Variants in POFUT3 observed in about 807,000 individuals in gnomAD.
The protein encoded by POFUT3 is protein O-fucosyltransferase 3.
At chr8:33,454,439 C>T in the POFUT3 span, among the ~76,000 whole-genome samples, 1 of 152,144 alleles carries the variant, frequency 6.6e-6, no homozygotes, top group African/African-American at 2.4e-5. Flanking sequence ...ACATGGGGTC[C>T]ACATGAATAA....
chr8:33,421,982 CA>C, the POFUT3 span, among the ~76,000 whole-genome samples: 7 of 101,836 alleles, frequency 6.9e-5, no homozygotes, highest in Non-Finnish European at 9.9e-5. Context: ...TTCCCTAGAT[CA>C]AATGGTTTTT....
At chr8:33,363,446 AC>A in the POFUT3 span, among the ~76,000 whole-genome samples, 1 of 152,226 alleles carries the variant, frequency 6.6e-6, no homozygotes, top group Non-Finnish European at 1.5e-5. Flanking sequence ...AGATAGAGAC[AC>A]AAAAAACCCT....
the POFUT3 span, among the ~76,000 whole-genome samples, chr8:33,347,651 T>C: frequency 5.9e-5 from 9 of 152,238 alleles, no homozygotes; most frequent in Admixed American, 5.2e-4. Context: ...CATTCATTGA[T>C]GGATTCTGCC....
At chr8:33,391,377 T>TA in the POFUT3 span, among the ~76,000 whole-genome samples, 3 of 152,182 alleles carry the variant, frequency 2.0e-5, no homozygotes, top group African/African-American at 7.2e-5. Context: ...CGTACTAACG[T>TA]AAAAATGGGC....
At chr8:33,394,865 A>G in the POFUT3 span, among the ~76,000 whole-genome samples, 107 of 152,312 alleles carry the variant, frequency 7.0e-4, no homozygotes, top group African/African-American at 2.4e-3. Context: ...AACAGTCTTT[A>G]GCCCAAGATT....
the POFUT3 span, among the ~76,000 whole-genome samples, chr8:33,334,377 T>C: frequency 6.6e-6 from 1 of 152,018 alleles, no homozygotes; most frequent in Non-Finnish European, 1.5e-5. Flanking sequence ...GCCACCACAC[T>C]CGGCTAAGTT....
the POFUT3 span, among the ~76,000 whole-genome samples, chr8:33,345,202 T>G: frequency 6.6e-6 from 1 of 152,112 alleles, no homozygotes; most frequent in African/African-American, 2.4e-5. Context: ...AAAAAATGTA[T>G]GCAGAGTAAT....
At chr8:33,328,302 ATGGAGTGGT>A in the POFUT3 span, among the ~76,000 whole-genome samples, 1 of 151,948 alleles carries the variant, frequency 6.6e-6, no homozygotes, top group Non-Finnish European at 1.5e-5. Flanking sequence ...CCATTAGAGC[ATGGAGTGGT>A]TGAAACCTGA....
At chr8:33,454,109 A>C in the POFUT3 span, among the ~76,000 whole-genome samples, 778 of 152,332 alleles carry the variant, frequency 5.1e-3, 9 homozygotes, top group African/African-American at 0.017. Context: ...CCTGGGCAAC[A>C]GAGCAAGACC....
chr8:33,389,690 G>A, the POFUT3 span: 8 of 1,613,980 alleles, frequency 5.0e-6, no homozygotes, highest in Non-Finnish European at 6.8e-6. Context: ...GGTGATCACT[G>A]GTTTATGAAA....
the POFUT3 span, among the ~76,000 whole-genome samples, chr8:33,428,211 C>T: frequency 2.6e-5 from 4 of 152,202 alleles, no homozygotes; most frequent in African/African-American, 9.7e-5. Flanking sequence ...AGACATAAGG[C>T]TGTCTCTTCT....
At chr8:33,423,859 G>A in the POFUT3 span, among the ~76,000 whole-genome samples, 4 of 147,834 alleles carry the variant, frequency 2.7e-5, no homozygotes, top group East Asian at 8.0e-4. Flanking sequence ...CCATTACTGG[G>A]CGGGGGCGGT....
chr8:33,444,508 T>C, the POFUT3 span, among the ~76,000 whole-genome samples: 2 of 151,996 alleles, frequency 1.3e-5, no homozygotes, highest in African/African-American at 4.8e-5. Flanking sequence ...GATTACTTTA[T>C]GTCAAATACT....
chr8:33,389,850 G>A, the POFUT3 span: 1 of 1,308,390 alleles, frequency 7.6e-7, no homozygotes, highest in African/African-American at 1.5e-5. Context: ...ATGTTGCTAA[G>A]TTTGGGTCTA....
chr8:33,317,749 C>T, the POFUT3 span, among the ~76,000 whole-genome samples: 1 of 152,012 alleles, frequency 6.6e-6, no homozygotes. Context: ...CCTTACTGAG[C>T]TGGGCAAGCA....
the POFUT3 span, among the ~76,000 whole-genome samples, chr8:33,455,015 C>G: frequency 2.0e-5 from 3 of 152,104 alleles, no homozygotes; most frequent in Admixed American, 6.6e-5. Flanking sequence ...CTGACTACTA[C>G]TAGAGAATGC....
At chr8:33,357,052 C>T in the POFUT3 span, among the ~76,000 whole-genome samples, 6 of 152,136 alleles carry the variant, frequency 3.9e-5, no homozygotes, top group Non-Finnish European at 8.8e-5. Flanking sequence ...GGTACCAGTA[C>T]CATGCTGTTT....
At chr8:33,439,529 C>A in the POFUT3 span, among the ~76,000 whole-genome samples, 1,883 of 152,240 alleles carry the variant, frequency 0.012, 45 homozygotes, top group African/African-American at 0.043. Context: ...GATCATATCA[C>A]CCCTGCTTAA....
the POFUT3 span, among the ~76,000 whole-genome samples, chr8:33,423,273 ATT>A: frequency 6.7e-3 from 997 of 148,586 alleles, 16 homozygotes; most frequent in African/African-American, 0.023. Context: ...AATTCTTACA[ATT>A]TTTTTTTTTT....
Sources: gnomAD v4.1 joint callset for allele counts (sites outside exome capture counted in the v4.1 genomes callset) on GRCh38, gnomAD v4.1.1 for gene constraint, MANE v1.5 for transcripts, NCBI Gene and HGNC (gene_info 2026-07-23, HGNC 2026-07-21) for gene names.